The following LY96 variants were observed in gnomAD, a reference collection of about 807,000 sequenced individuals.
LY96 encodes myeloid differentiation protein-2.
LY96 carries 18 observed loss-of-function variants against 18.9 expected under a neutral mutation model. The observed-to-expected ratio is 0.95, with a 90% CI of 0.66 to 1.41. The LOEUF is 1.41. LY96 is among the 40% of genes most tolerant of loss of function. LY96 has a pLI of 0.00. For missense variants in LY96, 175 were observed against 182.4 expected, an observed-to-expected ratio of 0.96 and a Z score of 0.23; for synonymous variants, 66 against 62.6, an observed-to-expected ratio of 1.06 and a Z score of -0.26.
At chr8:74,046,903 CT>C in the LY96 span, among the ~76,000 whole-genome samples, 1,112 of 135,070 alleles carry the variant, frequency 8.2e-3, 4 homozygotes, top group South Asian at 0.015. Context: ...CATTCTCATT[CT>C]TTTTTTTTTT....
chr8:74,005,549 T>A (rs1816392937), intron 2 of LY96, among the ~76,000 whole-genome samples: 1 of 152,208 alleles, frequency 6.6e-6, no homozygotes, highest in South Asian at 2.1e-4. Context: ...TAGTCAAAGA[T>A]CTGTGTGTCA....
At chr8:74,006,912 A>G (rs1319483950) in intron 2 of LY96, among the ~76,000 whole-genome samples, 1 of 152,220 alleles carries the variant, frequency 6.6e-6, no homozygotes, top group African/African-American at 2.4e-5. Flanking sequence ...CTAAGAAGGA[A>G]TTAGGCTAGA....
At chr8:74,093,831 A>G in the LY96 span, among the ~76,000 whole-genome samples, 1 of 152,210 alleles carries the variant, frequency 6.6e-6, no homozygotes, top group Non-Finnish European at 1.5e-5. Flanking sequence ...ATAATAATTT[A>G]AGATAGCATA....
At chr8:74,035,994 G>A in the LY96 span, among the ~76,000 whole-genome samples, 1 of 152,130 alleles carries the variant, frequency 6.6e-6, no homozygotes, top group Admixed American at 6.5e-5. Flanking sequence ...ATGTCATCAG[G>A]ATCTCCTGAG....
At chr8:73,991,898 T>C (rs1168748727) in intron 1 of LY96, among the ~76,000 whole-genome samples, 36 of 151,838 alleles carry the variant, frequency 2.4e-4, no homozygotes, top group Admixed American at 2.4e-3. Flanking sequence ...CACTTACTAG[T>C]TCTTCTTCTT....
At chr8:74,025,235 C>T (rs774562852) in intron 3 of LY96, among the ~76,000 whole-genome samples, 5 of 152,122 alleles carry the variant, frequency 3.3e-5, no homozygotes, top group Non-Finnish European at 5.9e-5. Context: ...AGTAGGCTTT[C>T]AATAAGTGAG....
At chr8:74,074,967 G>C in the LY96 span, among the ~76,000 whole-genome samples, 1 of 152,134 alleles carries the variant, frequency 6.6e-6, no homozygotes, top group Admixed American at 6.5e-5. Flanking sequence ...TGGAGCTGTT[G>C]GATGAAATGT....
At chr8:74,021,806 C>A (rs180826310) in intron 3 of LY96, among the ~76,000 whole-genome samples, 3,135 of 151,956 alleles carry the variant, frequency 0.021, 120 homozygotes, top group Admixed American at 0.078. Flanking sequence ...TCATTCTGAG[C>A]AAACTATTGT....
the LY96 span, among the ~76,000 whole-genome samples, chr8:74,076,154 G>T: frequency 6.6e-6 from 1 of 152,048 alleles, no homozygotes; most frequent in Non-Finnish European, 1.5e-5. Context: ...GGAGCTGAGA[G>T]CTGGAGGCTG....
chr8:74,062,691 G>T, the LY96 span, among the ~76,000 whole-genome samples: 1 of 152,068 alleles, frequency 6.6e-6, no homozygotes, highest in Non-Finnish European at 1.5e-5. Flanking sequence ...ATCTTTAGTT[G>T]TATCAACTCA....
chr8:74,030,081 TGGG>T (rs1022668217), downstream of LY96, among the ~76,000 whole-genome samples: 2 of 152,198 alleles, frequency 1.3e-5, no homozygotes, highest in Admixed American at 6.5e-5. Flanking sequence ...AGAGTTTATT[TGGG>T]CCAAGCTTGA....
At chr8:74,081,068 C>A in the LY96 span, among the ~76,000 whole-genome samples, 1 of 112,884 alleles carries the variant, frequency 8.9e-6, no homozygotes, top group African/African-American at 4.5e-5. Flanking sequence ...TTCTTTCTTA[C>A]TTTCTTTCTT....
chr8:73,993,776 G>A (rs1213294989), intron 1 of LY96, among the ~76,000 whole-genome samples: 1 of 151,242 alleles, frequency 6.6e-6, no homozygotes, highest in African/African-American at 2.4e-5. Flanking sequence ...ATGGAGTCTT[G>A]CTATATTGCC....
At chr8:74,013,384 A>G (rs546460979) in intron 3 of LY96, among the ~76,000 whole-genome samples, 1 of 152,012 alleles carries the variant, frequency 6.6e-6, no homozygotes, top group East Asian at 1.9e-4. Context: ...CGGCCTCCCA[A>G]AGTGCCTCCC....
chr8:73,999,129 C>A (rs941114265), intron 1 of LY96, among the ~76,000 whole-genome samples: 1 of 151,982 alleles, frequency 6.6e-6, no homozygotes, highest in African/African-American at 2.4e-5. Flanking sequence ...CGCCACCACA[C>A]CCGGCTAATT....
chr8:74,036,046 T>C, the LY96 span, among the ~76,000 whole-genome samples: 2 of 152,124 alleles, frequency 1.3e-5, no homozygotes, highest in Non-Finnish European at 2.9e-5. Flanking sequence ...AAAATAAACT[T>C]TCGAAATTGA....
chr8:74,042,385 G>C, the LY96 span, among the ~76,000 whole-genome samples: 1 of 152,100 alleles, frequency 6.6e-6, no homozygotes. Flanking sequence ...GTCAGACATG[G>C]TGGCAGGTGC....
chr8:74,086,402 T>C, the LY96 span, among the ~76,000 whole-genome samples: 1 of 152,240 alleles, frequency 6.6e-6, no homozygotes, highest in Non-Finnish European at 1.5e-5. Context: ...GCTCAGGCAT[T>C]CTTTGCTCAT....
At chr8:74,040,739 G>A in the LY96 span, among the ~76,000 whole-genome samples, 1 of 115,070 alleles carries the variant, frequency 8.7e-6, no homozygotes, top group East Asian at 2.9e-4. Context: ...ATCTCACTCT[G>A]TCGCCTGGGC....
Sources: allele counts gnomAD v4.1 joint callset (sites outside exome capture counted in the v4.1 genomes callset), GRCh38; gene constraint gnomAD v4.1.1; transcripts MANE v1.5; gene names NCBI Gene and HGNC (gene_info 2026-07-23, HGNC 2026-07-21).